Variants in ZNF92 observed in about 807,000 individuals in gnomAD.
ZNF92 encodes epididymis luminal protein 203.
Under a neutral mutation model 12.4 loss-of-function variants are expected in ZNF92, and 11 were observed. That is an observed-to-expected ratio of 0.89 (90% CI 0.56 to 1.47). The LOEUF is 1.47. Ranked by LOEUF, ZNF92 falls within the 40% of genes most tolerant of loss-of-function variation. The probability of loss-of-function intolerance (pLI) is 0.00; values close to 1 mark genes in which losing one functional copy is unlikely to be tolerated. For missense variants in ZNF92, 622 were observed against 681.0 expected (o/e 0.91, Z 0.96); for synonymous variants, 206 against 228.6 (o/e 0.90, Z 0.89).
At chr7:65,390,340 T>G (rs1030819010) in intron 3 of ZNF92, among the ~76,000 whole-genome samples, 3 of 152,072 alleles carry the variant, frequency 2.0e-5, no homozygotes, top group Non-Finnish European at 4.4e-5. Flanking sequence ...GCATTGACAT[T>G]GGCACAATAT....
intron 3 of ZNF92, among the ~76,000 whole-genome samples, chr7:65,397,662 G>A (rs934892524): frequency 5.9e-5 from 9 of 151,870 alleles, no homozygotes; most frequent in African/African-American, 1.9e-4. Flanking sequence ...TAAACCAATT[G>A]TCTTGGCTAG....
chr7:65,397,576 TTTGA>T (rs1793874624), intron 3 of ZNF92, among the ~76,000 whole-genome samples: 2 of 152,140 alleles, frequency 1.3e-5, no homozygotes, highest in Non-Finnish European at 2.9e-5. Context: ...CATTGTAATG[TTTGA>T]TTGAGATTTG....
At chr7:65,385,413 A>G (rs1412092381) in intron 1 of ZNF92, among the ~76,000 whole-genome samples, 1 of 152,012 alleles carries the variant, frequency 6.6e-6, no homozygotes, top group Non-Finnish European at 1.5e-5. Flanking sequence ...GCCTCATGTG[A>G]CTCTAAGGTG....
intron 3 of ZNF92, among the ~76,000 whole-genome samples, chr7:65,397,911 T>A (rs1454317937): frequency 6.6e-6 from 1 of 152,110 alleles, no homozygotes; most frequent in Non-Finnish European, 1.5e-5. Flanking sequence ...CTTTATGGCA[T>A]GGGAGACAGA....
intron 3 of ZNF92, 83 bp from the exon 4 acceptor site, chr7:65,398,258 G>A (rs1216484280): frequency 3.4e-6 from 4 of 1,185,438 alleles, no homozygotes; most frequent in Non-Finnish European, 4.6e-6. Context: ...GTTGTAGTTT[G>A]TACAATTTTA....
At chr7:65,378,143 C>CA in intron 1 of ZNF92, among the ~76,000 whole-genome samples, 2 of 150,512 alleles carry the variant, frequency 1.3e-5, no homozygotes, top group Admixed American at 1.3e-4. Context: ...ACTAAAAGTA[C>CA]AAAAATCAGC....
chr7:65,375,285 G>T (rs1483063018), intron 1 of ZNF92, among the ~76,000 whole-genome samples: 2 of 152,066 alleles, frequency 1.3e-5, no homozygotes, highest in Non-Finnish European at 1.5e-5. Context: ...TACTGTCTGG[G>T]GCAAGATACC....
chr7:65,391,902 T>C (rs1350048168), intron 3 of ZNF92, among the ~76,000 whole-genome samples: 1 of 152,120 alleles, frequency 6.6e-6, no homozygotes, highest in African/African-American at 2.4e-5. Flanking sequence ...ATTGCAGTTA[T>C]CTAGACAAAT....
At chr7:65,390,151 T>C (rs1420170491) in intron 3 of ZNF92, among the ~76,000 whole-genome samples, 2 of 152,190 alleles carry the variant, frequency 1.3e-5, no homozygotes, top group African/African-American at 4.8e-5. Flanking sequence ...TGTATGTTAA[T>C]TTCATATTGT....
Position 65,398,410 on chromosome 7 carries a change from T to C in ZNF92, c.296T>C (p.Ile99Thr). The C allele has an allele frequency of 6.2e-7, 1 of 1,609,664 alleles. No homozygotes were observed. The change falls in exon 4 of 4, where the codon ATA (isoleucine) becomes ACA (threonine). Residue 99 changes from isoleucine (I) to threonine (T), a missense_variant. Physicochemically the swap from Ile to Thr is moderately conservative, Grantham distance 89. Coordinates refer to ENST00000328747, the MANE Select transcript of ZNF92 (RefSeq NM_152626.4). ...HSIKDSFQKVILRTYGKYGHE... is the reference protein window; with the variant it reads ...HSIKDSFQKVTLRTYGKYGHE... The stretch of plus-strand genomic sequence containing the variant: ...ATAAAAGATTCTTTCCAAAAAGTGA[T>C]ACTGAGAACATATGGAAAATATGGA...
At chr7:65,388,169 A>T in intron 2 of ZNF92, 141 bp downstream of exon 2, 1 of 903,040 alleles carries the variant, frequency 1.1e-6, no homozygotes, top group Non-Finnish European at 1.6e-6. Flanking sequence ...TTGTCAGTAT[A>T]GAAAAGAACT....
chr7:65,395,770 A>G (rs1205756883), intron 3 of ZNF92, among the ~76,000 whole-genome samples: 1 of 152,158 alleles, frequency 6.6e-6, no homozygotes, highest in African/African-American at 2.4e-5. Flanking sequence ...GACTTAAAGC[A>G]TATATGTCTG....
intron 1 of ZNF92, among the ~76,000 whole-genome samples, chr7:65,386,374 A>T (rs943867442): frequency 2.6e-5 from 4 of 152,096 alleles, no homozygotes; most frequent in African/African-American, 9.7e-5. Context: ...CTTATATGCC[A>T]TGTAGAATTC....
At chr7:65,395,077 T>A (rs1194968076) in intron 3 of ZNF92, among the ~76,000 whole-genome samples, 1 of 152,174 alleles carries the variant, frequency 6.6e-6, no homozygotes, top group Non-Finnish European at 1.5e-5. Flanking sequence ...GTCTTAAGTT[T>A]ATTTATTGTT....
At chr7:65,374,239 C>T (rs1463698838) in intron 1 of ZNF92, among the ~76,000 whole-genome samples, 1 of 152,134 alleles carries the variant, frequency 6.6e-6, no homozygotes, top group Non-Finnish European at 1.5e-5. Context: ...TGGCCTGGAG[C>T]CCTCCCTGGG....
At chr7:65,396,950 T>C (rs1220958606) in intron 3 of ZNF92, among the ~76,000 whole-genome samples, 1 of 152,148 alleles carries the variant, frequency 6.6e-6, no homozygotes, top group African/African-American at 2.4e-5. Flanking sequence ...ATTTTTTCTC[T>C]TATTACGTCA....
rs1793163523 is a variant in ZNF92, at chr7:65,374,010, C to T, written c.3+10C>T. ...TGGAAGCCTAGAAATGGTGAGCCTG[C>T]TGGGTCCCACATCCCGAGAGAGGGG... On this transcript the variant is annotated intron_variant, in intron 1 of 3. Transcript: ENST00000328747. 4.3e-6 allele frequency: 7 copies of T among 1,614,106 alleles called. No individual in the cohort carries two copies. Among genetic ancestry groups the T allele is most frequent in the Non-Finnish European group, 4.2e-6 (5 of 1,180,006 alleles).
At chr7:65,396,579 G>A (rs977562260) in intron 3 of ZNF92, among the ~76,000 whole-genome samples, 1 of 152,068 alleles carries the variant, frequency 6.6e-6, no homozygotes, top group African/African-American at 2.4e-5. Flanking sequence ...AAAGAATTCT[G>A]TGTGTGTCTA....
chr7:65,398,983 G>T lies in ZNF92; in HGVS notation c.869G>T (p.Cys290Phe). Residue 290 changes from cysteine (C) to phenylalanine (F), a missense_variant, in exon 4 of 4, where the codon TGT becomes TTT. Coordinates refer to ENST00000328747, the MANE Select transcript of ZNF92 (RefSeq NM_152626.4). Reference sequence around the variant, plus strand: ...GAGAAACCCTACAAATGTGAAGAATGTGGCAAGGCCTTTAACCAGTTCTCG... The same window carrying T: ...GAGAAACCCTACAAATGTGAAGAATTTGGCAAGGCCTTTAACCAGTTCTCG... Reference protein sequence around the residue: ...TEEKPYKCEECGKAFNQFSIL... With the variant: ...TEEKPYKCEEFGKAFNQFSIL... The T allele has an allele frequency of 6.2e-7, 1 of 1,613,478 alleles. No individual in the cohort carries two copies. Among genetic ancestry groups the T allele is most frequent in the Non-Finnish European group, 8.5e-7 (1 of 1,179,804 alleles).
Sources: allele counts gnomAD v4.1 joint callset (sites outside exome capture counted in the v4.1 genomes callset), GRCh38; gene constraint gnomAD v4.1.1; transcripts MANE v1.5; gene names NCBI Gene and HGNC (gene_info 2026-07-23, HGNC 2026-07-21).